TAFA5: variants seen among roughly 807,000 people sequenced by gnomAD.
TAFA5 encodes the protein TAFA chemokine like family member 5.
In TAFA5, 6 loss-of-function variants were observed where a neutral mutation model predicts 15.3. That is an observed-to-expected ratio of 0.39 (90% CI 0.21 to 0.77). The LOEUF is 0.77. Among genes scored for constraint, TAFA5 ranks in the 30% least tolerant of loss-of-function variants. The pLI is 0.41. For synonymous variants in TAFA5, 103 were observed against 80.7 expected, an observed-to-expected ratio of 1.28 and a Z score of -1.48; for missense variants, 161 against 193.1, an observed-to-expected ratio of 0.83 and a Z score of 0.98.
intron 3 of TAFA5, among the ~76,000 whole-genome samples, chr22:48,720,107 G>C (rs961817529): frequency 6.6e-6 from 1 of 152,144 alleles, no homozygotes; most frequent in East Asian, 1.9e-4. Context: ...GAGGACGCTC[G>C]CCCGGTGCAG....
intron 1 of TAFA5, among the ~76,000 whole-genome samples, chr22:48,506,599 C>G (rs1390009051): frequency 6.6e-6 from 1 of 152,190 alleles, no homozygotes; most frequent in Non-Finnish European, 1.5e-5. Flanking sequence ...TGGCCTCAGG[C>G]AGGGCCCCCT....
intron 1 of TAFA5, among the ~76,000 whole-genome samples, chr22:48,628,090 C>T (rs188597846): frequency 1.3e-5 from 2 of 152,326 alleles, no homozygotes. Flanking sequence ...GGACGTGACT[C>T]TGCCGGCTCT....
chr22:48,538,395 A>AT (rs1922244029), intron 1 of TAFA5, among the ~76,000 whole-genome samples: 1 of 152,210 alleles, frequency 6.6e-6, no homozygotes, highest in Non-Finnish European at 1.5e-5. Context: ...GCTCTGGCTG[A>AT]TTCGAGGTAG....
In TAFA5 at chr22:48,489,568, C is replaced by A. The variant is rs1286884255; in HGVS notation, c.-25C>A. On this transcript the variant is annotated 5_prime_UTR_variant, in exon 1 of 4. Coordinates refer to ENST00000402357, the MANE Select transcript of TAFA5 (RefSeq NM_001082967.3). This position sits in a 1 kb window ranked among gnomAD's most constrained non-coding sequence, Gnocchi z 5.5. ...GCCGGCTGCTGAGACGCGCTGCTGC[C>A]CCCCGCGCGGGCGCCGCGGCTTCAA... 2 of 1,382,940 alleles carry A rather than the reference C, an allele frequency of 1.4e-6. No homozygotes were observed. Among genetic ancestry groups the A allele is most frequent in the South Asian group, 1.4e-5 (1 of 72,924 alleles). 85.7% of individuals were successfully genotyped at this position (1,382,940 alleles called of 1,614,324 possible). A position where few individuals can be genotyped will look rare whatever the true frequency, so the allele number is the denominator to read the frequency against.
rs147493259 is a variant in TAFA5 at position 48,684,306 on chromosome 22, G to A, written c.263-23411G>A. Among the ~76,000 whole-genome samples, 392 of 152,220 alleles carry A rather than the reference G, an allele frequency of 2.6e-3. 2 individuals are homozygous for A. Among genetic ancestry groups the A allele is most frequent in the African/African-American group, 8.4e-3 (349 of 41,522 alleles). ...CTTTGTGGGGTAGAGGGAGGGCACT[G>A]TGTTGAGAGGCACTTGGAAGTAGGC... is the stretch of plus-strand genomic sequence containing the variant. On this transcript the variant is annotated intron_variant, in intron 2 of 3. Coordinates refer to ENST00000402357, the MANE Select transcript of TAFA5 (RefSeq NM_001082967.3).
chr22:48,646,830 C>T (rs1926883971), intron 2 of TAFA5, 84 bp downstream of exon 2: 1 of 1,465,656 alleles, frequency 6.8e-7, no homozygotes, highest in African/African-American at 1.4e-5. Context: ...GGCCCCTTAC[C>T]TGAAGGTCCC....
chr22:48,522,554 G>A (rs1046637888), intron 1 of TAFA5, among the ~76,000 whole-genome samples: 1 of 152,106 alleles, frequency 6.6e-6, no homozygotes, highest in African/African-American at 2.4e-5. Context: ...TGGGGTGGGC[G>A]CGGGGCCAGG....
chr22:48,611,715 C>T (rs1034930328), intron 1 of TAFA5, among the ~76,000 whole-genome samples: 1 of 152,204 alleles, frequency 6.6e-6, no homozygotes, highest in Non-Finnish European at 1.5e-5. Flanking sequence ...CTACCCACCC[C>T]TCTTCCTTCC....
At chr22:48,508,411 G>T (rs1340122637) in intron 1 of TAFA5, among the ~76,000 whole-genome samples, 1 of 152,192 alleles carries the variant, frequency 6.6e-6, no homozygotes, top group Non-Finnish European at 1.5e-5. Context: ...GAGTTTGGAA[G>T]TAAGAAAAGG....
At chr22:48,684,552 G>C (rs531333557) in intron 2 of TAFA5, among the ~76,000 whole-genome samples, 1 of 152,152 alleles carries the variant, frequency 6.6e-6, no homozygotes, top group Non-Finnish European at 1.5e-5. Flanking sequence ...CTCCAGAGCA[G>C]ACCAGCCGCA....
intron 1 of TAFA5, among the ~76,000 whole-genome samples, chr22:48,629,342 C>G (rs1312765701): frequency 2.0e-5 from 3 of 152,326 alleles, no homozygotes; most frequent in South Asian, 4.1e-4. Context: ...GGCCCCTCCT[C>G]GTCCTGGCCT....
chr22:48,645,276 G>A (rs980096357), intron 1 of TAFA5, among the ~76,000 whole-genome samples: 9 of 152,160 alleles, frequency 5.9e-5, no homozygotes, highest in South Asian at 2.1e-4. Flanking sequence ...CCTGGAGCAC[G>A]GGCACTGTCT....
At chr22:48,737,139 G>C (rs961310941) in intron 3 of TAFA5, among the ~76,000 whole-genome samples, 2 of 152,112 alleles carry the variant, frequency 1.3e-5, no homozygotes, top group African/African-American at 4.8e-5. Context: ...GACCTCTGTT[G>C]ATGTGAGGAC....
chr22:48,702,081 G>A (rs1026946257), intron 2 of TAFA5, among the ~76,000 whole-genome samples: 6 of 152,086 alleles, frequency 3.9e-5, no homozygotes, highest in South Asian at 2.1e-4. Flanking sequence ...GGGATGATAC[G>A]CATGTGTGGT....
At chr22:48,612,365 G>A (rs143531237) in intron 1 of TAFA5, among the ~76,000 whole-genome samples, 4 of 152,334 alleles carry the variant, frequency 2.6e-5, no homozygotes, top group Non-Finnish European at 4.4e-5. Context: ...CAGCCTGTGC[G>A]CGTCTTGGGA....
intron 1 of TAFA5, among the ~76,000 whole-genome samples, chr22:48,578,413 G>T (rs968401181): frequency 5.3e-5 from 8 of 152,188 alleles, no homozygotes; most frequent in Admixed American, 1.3e-4. Context: ...CTGTTTTTTG[G>T]CCAAGAAGAA....
intron 1 of TAFA5, among the ~76,000 whole-genome samples, chr22:48,595,259 C>T (rs752130317): frequency 8.5e-5 from 13 of 152,204 alleles, no homozygotes; most frequent in East Asian, 3.9e-4. Flanking sequence ...CACCACCACC[C>T]GTGATCAGCT....
intron 1 of TAFA5, among the ~76,000 whole-genome samples, chr22:48,538,234 T>TTC (rs1922238349): frequency 6.6e-6 from 1 of 151,230 alleles, no homozygotes; most frequent in Non-Finnish European, 1.5e-5. Context: ...TGCCAGCTCC[T>TTC]GGTTTAGGGG....
intron 1 of TAFA5, among the ~76,000 whole-genome samples, chr22:48,627,456 G>A (rs375878277): frequency 1.4e-4 from 22 of 152,380 alleles, no homozygotes; most frequent in African/African-American, 4.8e-4. Flanking sequence ...CAGGGGTCGC[G>A]ACAGCGCACG....
Sources: allele counts gnomAD v4.1 joint callset (sites outside exome capture counted in the v4.1 genomes callset), GRCh38; gene constraint gnomAD v4.1.1; non-coding constraint Gnocchi (gnomAD v3.1); transcripts MANE v1.5; gene names NCBI Gene and HGNC (gene_info 2026-07-23, HGNC 2026-07-21).